TJP1: variants seen among roughly 807,000 people sequenced by gnomAD.
The protein encoded by TJP1 is tight junction protein ZO-1.
TJP1 carries 43 observed loss-of-function variants against 194.2 expected under a neutral mutation model. The ratio of observed to expected loss-of-function variants is 0.22; its 90% CI spans 0.17 to 0.29. The LOEUF (loss-of-function observed/expected upper bound fraction) is 0.29. Among genes scored for constraint, TJP1 ranks in the 10% least tolerant of loss-of-function variants. The pLI, the probability that TJP1 is intolerant of heterozygous loss-of-function variation, is 1.00. For synonymous variants in TJP1, 801 were observed against 779.0 expected (o/e 1.03, Z -0.47); for missense variants, 1,971 against 2,185.7 (o/e 0.90, Z 1.96).
chr15:29,718,730 G>C lies in TJP1; in HGVS notation c.3412C>G (p.Leu1138Val), dbSNP rs2042737597. Residue 1138 changes from leucine (L) to valine (V), a missense_variant, in exon 21 of 28, where the codon CTG becomes GTG. Around this residue, in one of 5 missense-constraint regions of TJP1, gnomAD observed 1,108 missense variants for 1,128.5 expected, o/e 0.98. Transcript: ENST00000614355. The part of the protein sequence containing the change: ...YFPRFEEPAP[L>V]SYDSRPRYEQ... The stretch of plus-strand genomic sequence containing the variant: ...TAACGTGGTCTGCTGTCGTAAGACA[G>C]AGGGGCTGGCTCTTCAAAACGTGGA... 1 of 1,614,072 alleles carries C rather than the reference G, an allele frequency of 6.2e-7. No homozygotes were observed. Among genetic ancestry groups the C allele is most frequent in the Non-Finnish European group, 8.5e-7 (1 of 1,180,048 alleles).
At chr15:29,909,542 C>T (rs975811547) in intron 2 of TJP1, among the ~76,000 whole-genome samples, 1 of 151,944 alleles carries the variant, frequency 6.6e-6, no homozygotes, top group Non-Finnish European at 1.5e-5. Flanking sequence ...GGAAATATTA[C>T]CAAGCCTACC....
At chr15:29,721,723 G>C (rs1193077917) in intron 18 of TJP1, among the ~76,000 whole-genome samples, 3 of 152,218 alleles carry the variant, frequency 2.0e-5, no homozygotes, top group African/African-American at 7.2e-5. Context: ...ATTTCCTAGA[G>C]ACCTGTTGAA....
In TJP1 at chr15:29,894,320, G is replaced by A. The variant is rs2053408892; in HGVS notation, c.306+61912C>T. ...CTAAAAATACAAAAATTGGCTGGAT[G>A]TGGTGGCACATTCCTGTAGTCTCAG... On this transcript the variant is annotated intron_variant, in intron 2 of 28. Coordinates refer to the TJP1 transcript ENST00000356107. Among the ~76,000 whole-genome samples, 3 of 152,152 alleles carry A rather than the reference G, an allele frequency of 2.0e-5. No individual in the cohort carries two copies. The South Asian group carries it at 6.2e-4, about 32-fold the overall frequency.
At chr15:29,751,844 C>G (rs771137265) in intron 8 of TJP1, among the ~76,000 whole-genome samples, 1 of 152,100 alleles carries the variant, frequency 6.6e-6, no homozygotes, top group Non-Finnish European at 1.5e-5. Context: ...TTTAAATTTG[C>G]CATTTTTAAA....
intron 11 of TJP1, 42 bp downstream of exon 11, chr15:29,737,222 C>T (rs1440081271): frequency 1.9e-6 from 3 of 1,600,524 alleles, no homozygotes; most frequent in African/African-American, 2.7e-5. Context: ...TTCTGGTGAT[C>T]CAAATACTTT....
At position 29,773,355 on chromosome 15, in the gene TJP1, A is replaced by G; in HGVS notation, c.87T>C (p.Ala29=). The G allele has an allele frequency of 6.2e-7, 1 of 1,613,686 alleles. No individual in the cohort carries two copies. The highest frequency in any genetic ancestry group is 8.5e-7 in the Non-Finnish European group (1 of 1,179,710). The change falls in exon 3 of 28, where the codon GCT becomes GCC. Residue 29 remains alanine, a splice_region_variant and synonymous_variant. Transcript: ENST00000614355. ...TTGCAATTCCAAATCCAAATCCAGG[A>G]GCCTAAAGTAAAAATTACAGTAAAA... ...WEQHTVTLHR[A]PGFGFGIAIS... is the part of the protein sequence containing the mutation.
intron 4 of TJP1, among the ~76,000 whole-genome samples, chr15:29,771,298 G>A (rs1302659486): frequency 2.6e-5 from 4 of 151,376 alleles, no homozygotes; most frequent in Non-Finnish European, 5.9e-5. Flanking sequence ...TTGCTCCTCG[G>A]TTACAAGCCT....
chr15:29,803,328 T>C (rs74939466), intron 1 of TJP1, among the ~76,000 whole-genome samples: 6,696 of 152,234 alleles, frequency 0.044, 167 homozygotes, highest in South Asian at 0.076. Context: ...CATACAACCA[T>C]TGTTTTTCAT....
chr15:29,962,449 G>A (rs1017651105), intron 1 of TJP1, among the ~76,000 whole-genome samples: 20 of 152,222 alleles, frequency 1.3e-4, no homozygotes, highest in African/African-American at 4.8e-4. Context: ...AAACAAAGCA[G>A]TCACACAAGG....
At chr15:29,790,583 A>T (rs1358701226) in intron 2 of TJP1, among the ~76,000 whole-genome samples, 2 of 152,134 alleles carry the variant, frequency 1.3e-5, no homozygotes, top group Admixed American at 1.3e-4. Context: ...TGTGAAATAC[A>T]CAATAAATTA....
At position 29,760,100 on chromosome 15, in the gene TJP1, C is replaced by CCT. The variant is rs2045905584; in HGVS notation, c.1010+1037_1010+1038dup. ...TCTCATCAACAACGTATAAGGGTTC[C>CCT]CTTTTCTTCTAAACTGTCTCTTCAG... On this transcript the variant is annotated intron_variant, in intron 8 of 27. Coordinates refer to ENST00000614355, the MANE Select transcript of TJP1 (RefSeq NM_001330239.4). 10 of 615,540 alleles carry CCT rather than the reference C, an allele frequency of 1.6e-5. No individual in the cohort carries two copies. In the East Asian group the frequency reaches 2.8e-4, roughly 17 times the overall value. The allele number at this position is 615,540 out of a possible 1,614,324, so 38.1% of individuals were successfully genotyped here.
At chr15:29,798,490 T>C (rs888174728) in intron 2 of TJP1, among the ~76,000 whole-genome samples, 3 of 152,138 alleles carry the variant, frequency 2.0e-5, no homozygotes, top group East Asian at 1.9e-4. Flanking sequence ...TCGAAAAGTT[T>C]TGAATTTTGC....
chr15:29,880,637 C>A (rs558079357), intron 2 of TJP1, among the ~76,000 whole-genome samples: 4 of 152,160 alleles, frequency 2.6e-5, no homozygotes, highest in Non-Finnish European at 4.4e-5. Context: ...CTATTGTATT[C>A]TCTGTTCTAC....
intron 1 of TJP1, among the ~76,000 whole-genome samples, 169 bp downstream of exon 1, chr15:29,821,815 GCCCCCGCCCGAGGGGCTC>G (rs2050380920): frequency 6.8e-6 from 1 of 146,184 alleles, no homozygotes; most frequent in Admixed American, 6.8e-5. Context: ...GGCCCGCGCC[GCCCCCGCCCGAGGGGCTC>G]CCCGCGGCCC....
At chr15:29,940,685 T>C (rs2055041316) in intron 2 of TJP1, among the ~76,000 whole-genome samples, 1 of 152,194 alleles carries the variant, frequency 6.6e-6, no homozygotes. Flanking sequence ...TGAAAAGTAA[T>C]GAAATAATCT....
At position 29,737,345 on chromosome 15, in the gene TJP1, A is replaced by G; in HGVS notation, c.1326T>C (p.Asp442=). 6.2e-7 allele frequency: 1 copy of G among 1,614,164 alleles called. No homozygotes were observed. Among genetic ancestry groups the G allele is most frequent in the Non-Finnish European group, 8.5e-7 (1 of 1,180,028 alleles). ...GAACGCCAGCTACAAATATTCCAAC[A>G]TCATTTCCACCAGCCAGCCGCAAAC... ...SVGLRLAGGN[D]VGIFVAGVLE... Residue 442 remains aspartate (D), a synonymous_variant, in exon 11 of 28, where the codon GAT becomes GAC. Coordinates refer to ENST00000614355, the MANE Select transcript of TJP1 (RefSeq NM_001330239.4).
chr15:29,734,319 G>C lies in TJP1; in HGVS notation c.1471C>G (p.Pro491Ala). 1.2e-6 allele frequency: 2 copies of C among 1,612,942 alleles called. No individual in the cohort carries two copies. Among genetic ancestry groups the C allele is most frequent in the Non-Finnish European group, 1.7e-6 (2 of 1,179,752 alleles). Residue 491 changes from proline to alanine, a missense_variant, in exon 12 of 28, where the codon CCT (proline) becomes GCT (alanine). Physicochemically the swap from Pro to Ala is conservative, Grantham distance 27. Around this residue, in one of 5 missense-constraint regions of TJP1, gnomAD observed 402 missense variants for 484.2 expected, o/e 0.83. Transcript: ENST00000614355. ...AATATGGTCACTTCTTCTCCTTTAG[G>C]GAGGTCAAGCAGGAAAAGGACGGCT... is the stretch of plus-strand genomic sequence containing the variant. ...EEAVLFLLDL[P>A]KGEEVTILAQ... is the part of the protein sequence containing the mutation.
At chr15:29,941,643 C>T (rs2055082121) in intron 2 of TJP1, among the ~76,000 whole-genome samples, 1 of 152,178 alleles carries the variant, frequency 6.6e-6, no homozygotes, top group Admixed American at 6.6e-5. Context: ...GATCCAGTTT[C>T]CCAGCCACCT....
At chr15:29,820,521 TCCTA>T (rs754050701) in intron 1 of TJP1, 8 of 716,694 alleles carry the variant, frequency 1.1e-5, no homozygotes, top group South Asian at 1.0e-4. Context: ...GAAGTACTCC[TCCTA>T]CCTTACTGTG....
Sources: allele counts gnomAD v4.1 joint callset (sites outside exome capture counted in the v4.1 genomes callset), GRCh38; gene constraint gnomAD v4.1.1; regional missense constraint gnomAD v4.1.1; transcripts MANE v1.5; gene names NCBI Gene and HGNC (gene_info 2026-07-23, HGNC 2026-07-21).